CNTLN: variants seen among roughly 807,000 people sequenced by gnomAD.
CNTLN encodes centlein, centrosomal protein.
A neutral mutation model predicts 180.0 loss-of-function variants in CNTLN; 212 were observed. That is an observed-to-expected ratio of 1.18 (90% CI 1.05 to 1.32). The LOEUF (loss-of-function observed/expected upper bound fraction) is 1.32, where lower values mean the gene tolerates loss of function less well. Ranked by LOEUF, CNTLN falls within the 40% of genes most tolerant of loss-of-function variation. The pLI is 0.00. For missense variants in CNTLN, 2,095 were observed against 1,610.9 expected, an observed-to-expected ratio of 1.30 and a Z score of -5.14; for synonymous variants, 722 against 563.1, an observed-to-expected ratio of 1.28 and a Z score of -3.99.
chr9:17,506,605 A>G (rs902581115), downstream of CNTLN, among the ~76,000 whole-genome samples: 1 of 152,248 alleles, frequency 6.6e-6, no homozygotes, highest in East Asian at 1.9e-4. Flanking sequence ...TTTCTTCTCC[A>G]TATTATGCAG....
At position 17,457,601 on chromosome 9, in the gene CNTLN, C is replaced by T; in HGVS notation, c.3192C>T (p.Ile1064=). 6.4e-7 allele frequency: 1 copy of T among 1,564,448 alleles called. No individual in the cohort carries two copies. The highest frequency in any genetic ancestry group is 8.7e-7 in the Non-Finnish European group (1 of 1,153,428). The change falls in exon 19 of 26, where the codon ATC becomes ATT. Residue 1064 remains isoleucine (I), a synonymous_variant. Transcript: ENST00000380647. The part of the protein sequence containing the change: ...LLKKLESSSE[I]TSLAEENSQV... ...AGAAATTGGAGTCCTCATCTGAAAT[C>T]ACAAGTTTGGCAGAAGAAAATTCCC...
chr9:17,269,346 A>C (rs1048833252), intron 5 of CNTLN, among the ~76,000 whole-genome samples: 3 of 151,780 alleles, frequency 2.0e-5, no homozygotes, highest in Non-Finnish European at 2.9e-5. Context: ...CCAATGTGTA[A>C]ATTTAGGTTG....
intron 5 of CNTLN, among the ~76,000 whole-genome samples, chr9:17,260,440 A>C (rs1418369901): frequency 6.6e-6 from 1 of 151,278 alleles, no homozygotes; most frequent in East Asian, 1.9e-4. Flanking sequence ...TGCTGAAAAA[A>C]ATGTATATTC....
At chr9:17,466,667 T>C in intron 22 of CNTLN, 39 bp from the exon 23 acceptor site, 4 of 1,538,204 alleles carry the variant, frequency 2.6e-6, no homozygotes, top group Non-Finnish European at 3.5e-6. Flanking sequence ...AATCTGTTTA[T>C]AAAATATCTT....
At chr9:17,512,304 T>G in the CNTLN span, among the ~76,000 whole-genome samples, 2 of 152,198 alleles carry the variant, frequency 1.3e-5, no homozygotes, top group African/African-American at 4.8e-5. Flanking sequence ...GGAGGCCTTT[T>G]ATCAATTTAA....
At chr9:17,199,130 A>T (rs1404508294) in intron 2 of CNTLN, among the ~76,000 whole-genome samples, 1 of 150,244 alleles carries the variant, frequency 6.7e-6, no homozygotes, top group East Asian at 2.0e-4. Flanking sequence ...GGTTGAACTA[A>T]TTTATACTGC....
chr9:17,209,098 C>G (rs1199566410), intron 2 of CNTLN, among the ~76,000 whole-genome samples: 2 of 151,988 alleles, frequency 1.3e-5, no homozygotes, highest in Non-Finnish European at 2.9e-5. Flanking sequence ...CCTGTTAGTA[C>G]TGCTTTTGCT....
chr9:17,211,063 G>C (rs1823268199), intron 2 of CNTLN, among the ~76,000 whole-genome samples: 1 of 152,130 alleles, frequency 6.6e-6, no homozygotes, highest in Admixed American at 6.6e-5. Context: ...AGTCTAATTA[G>C]ATCCCATTTG....
At chr9:17,181,529 G>A (rs1048215031) in intron 2 of CNTLN, among the ~76,000 whole-genome samples, 1 of 152,110 alleles carries the variant, frequency 6.6e-6, no homozygotes, top group African/African-American at 2.4e-5. Context: ...CTTGGTGTTG[G>A]CATCTGTGGA....
intron 2 of CNTLN, among the ~76,000 whole-genome samples, chr9:17,192,872 A>G (rs1821877263): frequency 6.6e-6 from 1 of 152,204 alleles, no homozygotes; most frequent in Non-Finnish European, 1.5e-5. Flanking sequence ...GCTGCTGATA[A>G]AGACGTACCT....
chr9:17,264,105 T>G (rs926284961), intron 5 of CNTLN, among the ~76,000 whole-genome samples: 17 of 144,758 alleles, frequency 1.2e-4, no homozygotes, highest in South Asian at 4.8e-4. Context: ...GTTTCAGACA[T>G]GAAGTCCTGG....
chr9:17,386,450 G>A (rs1825690056), intron 13 of CNTLN, among the ~76,000 whole-genome samples: 1 of 152,166 alleles, frequency 6.6e-6, no homozygotes, highest in South Asian at 2.1e-4. Context: ...TGAAGCATAT[G>A]CTCACATCTA....
intron 6 of CNTLN, among the ~76,000 whole-genome samples, chr9:17,290,152 G>A (rs1274682473): frequency 6.6e-6 from 1 of 151,954 alleles, no homozygotes; most frequent in Non-Finnish European, 1.5e-5. Context: ...ATCTACTTTT[G>A]GTCTTTGATG....
chr9:17,168,135 A>T (rs569782566), intron 2 of CNTLN: 3 of 152,354 alleles, frequency 2.0e-5, no homozygotes, highest in African/African-American at 7.2e-5. Context: ...ACTAGTAAAA[A>T]GTTAGATAAT....
At chr9:17,446,865 T>A (rs1830457247) in intron 18 of CNTLN, among the ~76,000 whole-genome samples, 1 of 152,170 alleles carries the variant, frequency 6.6e-6, no homozygotes, top group African/African-American at 2.4e-5. Flanking sequence ...AGTATTGAAA[T>A]CTGATTTCTA....
At chr9:17,187,612 A>G (rs189262127) in intron 2 of CNTLN, among the ~76,000 whole-genome samples, 1 of 152,084 alleles carries the variant, frequency 6.6e-6, no homozygotes, top group African/African-American at 2.4e-5. Context: ...GTAGTGTGCT[A>G]ATATGACTAG....
At chr9:17,295,997 A>AGAGAGAGAGTGT (rs1342910465) in intron 6 of CNTLN, among the ~76,000 whole-genome samples, 13 of 91,288 alleles carry the variant, frequency 1.4e-4, no homozygotes, top group African/African-American at 7.1e-4. Context: ...AGAGAGAGAG[A>AGAGAGAGAGTGT]GTGTGTGTGT....
intron 2 of CNTLN, among the ~76,000 whole-genome samples, chr9:17,214,021 G>T (rs757037327): frequency 9.2e-5 from 14 of 152,116 alleles, no homozygotes; most frequent in East Asian, 1.9e-4. Flanking sequence ...TTGCCAGTCT[G>T]TGTCTTTTAA....
At chr9:17,240,954 G>T (rs111405738) in intron 5 of CNTLN, among the ~76,000 whole-genome samples, 3,634 of 152,158 alleles carry the variant, frequency 0.024, 179 homozygotes, top group African/African-American at 0.083. Context: ...TGCCTCCCGG[G>T]TTCATGCCAT....
Sources: allele counts gnomAD v4.1 joint callset (sites outside exome capture counted in the v4.1 genomes callset), GRCh38; gene constraint gnomAD v4.1.1; transcripts MANE v1.5; gene names NCBI Gene and HGNC (gene_info 2026-07-23, HGNC 2026-07-21).